WNK4: variants seen among roughly 807,000 people sequenced by gnomAD.
WNK4 encodes WNK lysine deficient protein kinase 4.
Under a neutral mutation model 116.2 loss-of-function variants are expected in WNK4, and 94 were observed. The observed-to-expected ratio is 0.81, with a 90% CI of 0.68 to 0.96. The LOEUF (loss-of-function observed/expected upper bound fraction) is 0.96. Among genes scored for constraint, WNK4 ranks in the 40% least tolerant of loss-of-function variants. The pLI, the probability that WNK4 is intolerant of heterozygous loss-of-function variation, is 0.00. For synonymous variants in WNK4, 655 were observed against 672.7 expected (o/e 0.97, Z 0.41); for missense variants, 1,542 against 1,650.6 (o/e 0.93, Z 1.14).
chr17:42,782,681 C>A lies in WNK4; in HGVS notation c.619-77C>A. On this transcript the variant is annotated intron_variant, in intron 1 of 18. Transcript: ENST00000246914. The surrounding 1 kb of genome is among the most constrained non-coding windows in gnomAD (Gnocchi z 4.2). The stretch of plus-strand genomic sequence containing the variant: ...GGGCTCCAACCCTCACCTCTTCCCC[C>A]AACCCCACTCCAGGTGTCCCTCTTC... 1 of 1,566,514 alleles carries A rather than the reference C, an allele frequency of 6.4e-7. No homozygotes were observed. Among genetic ancestry groups the A allele is most frequent in the East Asian group, 2.3e-5 (1 of 43,512 alleles).
chr17:42,786,659 C>G (rs941571879), intron 6 of WNK4, among the ~76,000 whole-genome samples: 1 of 152,176 alleles, frequency 6.6e-6, no homozygotes, highest in Non-Finnish European at 1.5e-5. Flanking sequence ...TCCCAAATTG[C>G]TGGGATTACA....
At position 42,796,043 on chromosome 17, in the gene WNK4, G is replaced by T. The variant is rs752945642; in HGVS notation, c.3431+10G>T. ...AGAGTCTTCGGCAGAAGTGAGTCTC[G>T]GGAGGATGGAGGAGTGAGAGGAGAA... On this transcript the variant is annotated intron_variant, in intron 16 of 18. Transcript: ENST00000246914. 6.2e-7 allele frequency: 1 copy of T among 1,613,948 alleles called. No individual in the cohort carries two copies. Among genetic ancestry groups the T allele is most frequent in the Non-Finnish European group, 8.5e-7 (1 of 1,180,030 alleles).
intron 14 of WNK4, 28 bp from the exon 15 acceptor site, chr17:42,795,433 T>C: frequency 6.2e-7 from 1 of 1,614,106 alleles, no homozygotes; most frequent in Non-Finnish European, 8.5e-7. Context: ...TCTGCACTCT[T>C]CCCTTCTCAT....
Position 42,785,372 on chromosome 17 carries a change from T to C in WNK4, c.1366T>C (p.Trp456Arg). 2 of 1,603,864 alleles carry C rather than the reference T, an allele frequency of 1.2e-6. No homozygotes were observed. The highest frequency in any genetic ancestry group is 1.7e-6 in the Non-Finnish European group (2 of 1,175,326). Residue 456 changes from tryptophan to arginine, a missense_variant, in exon 6 of 19, where the codon TGG becomes CGG. Physicochemically the swap from Trp to Arg is moderately radical, Grantham distance 101. Coordinates refer to ENST00000246914, the MANE Select transcript of WNK4 (RefSeq NM_032387.5). ...DDGEKPGLKL[W>R]LRMEDARRGG... ...CGGCGAGAAGCCGGGCCTCAAGCTC[T>C]GGCTGCGCATGGAGGACGCGCGGCG...
At position 42,794,926 on chromosome 17, in the gene WNK4, A is replaced by G. The variant is rs1214375232; in HGVS notation, c.2505A>G (p.Pro835=). 1.0e-6 allele frequency: 1 copy of G among 983,904 alleles called. No individual in the cohort carries two copies. Among genetic ancestry groups the G allele is most frequent in the East Asian group, 7.2e-5 (1 of 13,858 alleles). 60.9% of individuals were successfully genotyped at this position (983,904 alleles called of 1,614,324 possible). A position where few individuals can be genotyped will look rare whatever the true frequency, so the allele number is the denominator to read the frequency against. ...CCATCTTCCCCATCACTTCTCCCCC[A>G]TGTCATCCCAGCCCCTCCCCATTCT... ...PGPIFPITSP[P]CHPSPSPFSP... The change falls in exon 14 of 19, where the codon CCA becomes CCG. Residue 835 remains proline (P), a synonymous_variant. Coordinates refer to ENST00000246914, the MANE Select transcript of WNK4 (RefSeq NM_032387.5).
chr17:42,785,137 A>C lies in WNK4; in HGVS notation c.1211A>C (p.Glu404Ala). 1 of 1,613,862 alleles carries C rather than the reference A, an allele frequency of 6.2e-7. No homozygotes were observed. Residue 404 changes from glutamate (E) to alanine (A), a missense_variant, in exon 5 of 19, where the codon GAG (glutamate) becomes GCG (alanine). Physicochemically the swap from Glu to Ala is moderately radical, Grantham distance 107. Coordinates refer to ENST00000246914, the MANE Select transcript of WNK4 (RefSeq NM_032387.5). Reference sequence around the variant, plus strand: ...AGCTTCCACAAGGTGAAGATACCCGAGGTGAAGGAGATCATTGAAGGCTGC... The same window carrying C: ...AGCTTCCACAAGGTGAAGATACCCGCGGTGAAGGAGATCATTGAAGGCTGC... ...PNSFHKVKIP[E>A]VKEIIEGCIR...
At chr17:42,787,985 G>A in intron 8 of WNK4, 86 bp downstream of exon 8, 4 of 1,599,118 alleles carry the variant, frequency 2.5e-6, no homozygotes, top group Non-Finnish European at 3.4e-6. Flanking sequence ...TCATGATCCA[G>A]TCCCATGTCC....
intron 7 of WNK4, 80 bp downstream of exon 7, chr17:42,787,622 C>T (rs920895016): frequency 9.4e-6 from 15 of 1,598,524 alleles, no homozygotes; most frequent in Non-Finnish European, 1.3e-5. Flanking sequence ...ACCCCCACAG[C>T]AGTCACTTAC....
At chr17:42,790,016 A>G (rs1048173573) in intron 11 of WNK4, among the ~76,000 whole-genome samples, 1 of 152,068 alleles carries the variant, frequency 6.6e-6, no homozygotes, top group African/African-American at 2.4e-5. Context: ...AAAAAAAACA[A>G]AAACAAAAAA....
rs1597904212 is a variant in WNK4 at position 42,795,170 on chromosome 17, T to C, written c.2749T>C (p.Ser917Pro). The C allele has an allele frequency of 3.7e-6, 6 of 1,613,814 alleles. No individual in the cohort carries two copies. Among genetic ancestry groups the C allele is most frequent in the Non-Finnish European group, 4.2e-6 (5 of 1,179,934 alleles). Residue 917 changes from serine (S) to proline (P), a missense_variant, in exon 14 of 19, where the codon TCC (serine) becomes CCC (proline). This residue lies in a region of WNK4 where 292 missense variants were observed against 290.1 expected (regional missense o/e 1.01). Coordinates refer to ENST00000246914, the MANE Select transcript of WNK4 (RefSeq NM_032387.5). ...PPCPSTSSFP[S>P]TTAAPLLSLA... ...GTGCCCCTCCACTTCTTCCTTCCCC[T>C]CCACCACAGCAGCCCCTCTCCTTTC... is the stretch of plus-strand genomic sequence containing the variant.
At chr17:42,783,009 A>C (rs1167679229) in intron 2 of WNK4, 79 bp downstream of exon 2, 11 of 1,547,444 alleles carry the variant, frequency 7.1e-6, no homozygotes, top group Non-Finnish European at 9.6e-6. Context: ...CAGGCTCCTC[A>C]AACTCTCTAA....
chr17:42,783,784 C>T lies in WNK4; in HGVS notation c.792-153C>T, dbSNP rs1279926320. The T allele has an allele frequency of 1.9e-5, 14 of 740,750 alleles. No homozygotes were observed. In the South Asian group the frequency reaches 2.2e-4, roughly 12 times the overall value. The allele number at this position is 740,750 out of a possible 1,614,324, so 45.9% of individuals were successfully genotyped here. A position where few individuals can be genotyped will look rare whatever the true frequency, so the allele number is the denominator to read the frequency against. ...TCCACCATGCCCCCTGACTCAGTTT[C>T]TCCCTGGGGCCGGGCAGACATAGGC... On this transcript the variant is annotated intron_variant, in intron 2 of 18. Coordinates refer to ENST00000246914, the MANE Select transcript of WNK4 (RefSeq NM_032387.5).
At position 42,796,252 on chromosome 17, in the gene WNK4, CCG is replaced by C; in HGVS notation, c.3563_3564del (p.Arg1188ProfsTer18). On this transcript the variant is annotated frameshift_variant, in exon 17 of 19. Coordinates refer to ENST00000246914, the MANE Select transcript of WNK4 (RefSeq NM_032387.5). LOFTEE classifies it high-confidence loss of function. ...CTGCTATGCTGTCCAGCCGCCAGCG[CCG>C]CCTCTCCAAGGGCAGCTTCCCCACC... ...PAAMLSSRQR[R>X]LSKGSFPTSR... The C allele has an allele frequency of 3.7e-6, 6 of 1,612,154 alleles. No individual in the cohort carries two copies. The highest frequency in any genetic ancestry group is 5.1e-6 in the Non-Finnish European group (6 of 1,179,400).
In WNK4 at chr17:42,794,009, C is replaced by A. The variant is rs569761984; in HGVS notation, c.2295+280C>A. On this transcript the variant is annotated intron_variant, in intron 12 of 18. Coordinates refer to ENST00000246914, the MANE Select transcript of WNK4 (RefSeq NM_032387.5). ...CTGGGACTACAGGCGCTCGCCACCA[C>A]ACCCGGCTAATTTTTTTTGTATTTT... 51 of 391,426 alleles carry A rather than the reference C, an allele frequency of 1.3e-4. No individual in the cohort carries two copies. In the East Asian group the frequency reaches 2.7e-3, roughly 21 times the overall value. The allele number at this position is 391,426 out of a possible 1,614,324, so 24.2% of individuals were successfully genotyped here.
intron 11 of WNK4, among the ~76,000 whole-genome samples, chr17:42,791,639 C>CAAA (rs112159075): frequency 8.4e-6 from 1 of 119,392 alleles, no homozygotes; most frequent in Non-Finnish European, 1.8e-5. Flanking sequence ...AACTCTGTCT[C>CAAA]AAAAAAAAAA....
At chr17:42,783,042 C>G in intron 2 of WNK4, 112 bp downstream of exon 2, 1 of 1,389,360 alleles carries the variant, frequency 7.2e-7, no homozygotes, top group South Asian at 1.3e-5. Context: ...AAACCAGGTT[C>G]ACCATCTCCC....
chr17:42,790,635 C>G (rs952229301), intron 11 of WNK4, among the ~76,000 whole-genome samples: 1 of 151,954 alleles, frequency 6.6e-6, no homozygotes, highest in South Asian at 2.1e-4. Context: ...GGTAGGTCAT[C>G]GAAGGACACA....
Position 42,795,676 on chromosome 17 carries a change from C to G in WNK4, c.3074C>G (p.Pro1025Arg). The change falls in exon 16 of 19, where the codon CCG becomes CGG. Residue 1025 changes from proline to arginine, a missense_variant. Around this residue, in one of 7 missense-constraint regions of WNK4, gnomAD observed 292 missense variants for 290.1 expected, o/e 1.01. Transcript: ENST00000246914. ...TTCCAAGTGACTTCATCCAAGGAAC[C>G]GGCTGAGCCTCTTCCCTTGCAGCCA... ...GRFQVTSSKE[P>R]AEPLPLQPTS... is the part of the protein sequence containing the mutation. 6.2e-7 allele frequency: 1 copy of G among 1,613,152 alleles called. No homozygotes were observed. The highest frequency in any genetic ancestry group is 2.2e-5 in the East Asian group (1 of 44,888).
Position 42,788,336 on chromosome 17 carries a change from A to G in WNK4, c.1969A>G (p.Met657Val). Residue 657 changes from methionine (M) to valine (V), a missense_variant, in exon 10 of 19, where the codon ATG (methionine) becomes GTG (valine). Physicochemically the swap from Met to Val is conservative, Grantham distance 21 (BLOSUM62 1). Coordinates refer to ENST00000246914, the MANE Select transcript of WNK4 (RefSeq NM_032387.5). ...ASGLSDVGEG[M>V]GQMRRPPGRN... is the part of the protein sequence containing the mutation. ...AGGCCTTAGCGATGTGGGAGAAGGGATGGGACAAATGAGGAGACCCCCAGG... is the reference window on the plus strand; with the variant it reads ...AGGCCTTAGCGATGTGGGAGAAGGGGTGGGACAAATGAGGAGACCCCCAGG... 6.2e-7 allele frequency: 1 copy of G among 1,613,928 alleles called. No individual in the cohort carries two copies. Among genetic ancestry groups the G allele is most frequent in the Non-Finnish European group, 8.5e-7 (1 of 1,179,998 alleles).
Sources: gnomAD v4.1 joint callset for allele counts (sites outside exome capture counted in the v4.1 genomes callset) on GRCh38, gnomAD v4.1.1 for gene constraint, gnomAD v4.1.1 regional missense constraint, Gnocchi (gnomAD v3.1) non-coding constraint, MANE v1.5 for transcripts, NCBI Gene and HGNC (gene_info 2026-07-23, HGNC 2026-07-21) for gene names.